Variants in NKD2 observed in about 807,000 individuals in gnomAD.
NKD2 encodes the protein NKD inhibitor of Wnt signaling pathway 2.
NKD2 carries 43 observed loss-of-function variants against 34.8 expected under a neutral mutation model. That is an observed-to-expected ratio of 1.24 (90% CI 0.97 to 1.60). The LOEUF (loss-of-function observed/expected upper bound fraction) is 1.60. NKD2 is among the 40% of genes most tolerant of loss of function. NKD2 has a pLI of 0.00. For synonymous variants in NKD2, 278 were observed against 265.1 expected, an observed-to-expected ratio of 1.05 and a Z score of -0.47; for missense variants, 675 against 627.1, an observed-to-expected ratio of 1.08 and a Z score of -0.82.
rs1373622702 is a variant in NKD2, at chr5:1,037,891, C to T, written c.874C>T (p.His292Tyr). The change falls in exon 10 of 10, where the codon CAT becomes TAT. Residue 292 changes from histidine (H) to tyrosine (Y), a missense_variant. Physicochemically the swap from His to Tyr is moderately conservative, Grantham distance 83. Coordinates refer to ENST00000296849, the MANE Select transcript of NKD2 (RefSeq NM_033120.4). ...GTCCCGCTCCCAGGAGCCAGATACA[C>T]ATGCCGTACACCACCGCAGGTCACA... ...ARSRSQEPDT[H>Y]AVHHRRSQVL... 11 of 1,605,974 alleles carry T rather than the reference C, an allele frequency of 6.8e-6. No homozygotes were observed. The highest frequency in any genetic ancestry group is 1.3e-5 in the African/African-American group (1 of 74,904).
intron 7 of NKD2, among the ~76,000 whole-genome samples, 154 bp downstream of exon 7, chr5:1,035,057 TGAGA>T (rs1733794369): frequency 6.6e-6 from 1 of 151,668 alleles, no homozygotes; most frequent in East Asian, 1.9e-4. Context: ...GGTGAGTGAG[TGAGA>T]GAGTAAGTGG....
chr5:1,018,205 C>G (rs114988825), intron 3 of NKD2, among the ~76,000 whole-genome samples: 2,269 of 152,240 alleles, frequency 0.015, 73 homozygotes, highest in African/African-American at 0.052. Flanking sequence ...GCACTGGTCT[C>G]TGTGCTGTGG....
At chr5:1,021,714 G>A (rs535461045) in intron 3 of NKD2, among the ~76,000 whole-genome samples, 60 of 151,992 alleles carry the variant, frequency 3.9e-4, no homozygotes, top group African/African-American at 1.4e-3. Flanking sequence ...TCCTATGGCG[G>A]CCGGCAGAAG....
At chr5:1,036,464 T>G (rs1733938879) in intron 9 of NKD2, 80 bp downstream of exon 9, 1 of 1,221,986 alleles carries the variant, frequency 8.2e-7, no homozygotes, top group South Asian at 1.4e-5. Flanking sequence ...CAGCCCTGAG[T>G]GCAGGGGGCC....
chr5:1,027,870 T>G (rs984282854), intron 3 of NKD2, among the ~76,000 whole-genome samples: 1 of 152,344 alleles, frequency 6.6e-6, no homozygotes, highest in East Asian at 1.9e-4. Context: ...CAGAGGTGCC[T>G]GCACCGGCAC....
At chr5:1,034,997 TGGA>T in intron 7 of NKD2, 94 bp downstream of exon 7, 1 of 1,216,842 alleles carries the variant, frequency 8.2e-7, no homozygotes, top group Non-Finnish European at 1.1e-6. Flanking sequence ...AGTGAGTGGA[TGGA>T]GGAGTGAGTG....
chr5:1,009,478 C>A lies in NKD2; in HGVS notation c.62-3C>A. The A allele has an allele frequency of 6.7e-7, 1 of 1,497,992 alleles. No homozygotes were observed. The highest frequency in any genetic ancestry group is 8.8e-7 in the Non-Finnish European group (1 of 1,131,470). 92.8% of individuals were successfully genotyped at this position (1,497,992 alleles called of 1,614,324 possible). A position where few individuals can be genotyped will look rare whatever the true frequency, so the allele number is the denominator to read the frequency against. ...TTCCCGCGCGTCCGCCCCCGGACCGCAGGGGACAGCTTCGTGGCGTCCGCG... is the reference window on the plus strand; with the variant it reads ...TTCCCGCGCGTCCGCCCCCGGACCGAAGGGGACAGCTTCGTGGCGTCCGCG... On this transcript the variant is annotated splice_polypyrimidine_tract_variant and splice_region_variant and intron_variant, in intron 2 of 9. Coordinates refer to ENST00000296849, the MANE Select transcript of NKD2 (RefSeq NM_033120.4). This position sits in a 1 kb window ranked among gnomAD's most constrained non-coding sequence, Gnocchi z 6.9.
intron 6 of NKD2, 150 bp from the exon 7 acceptor site, chr5:1,034,606 C>T (rs995309139): frequency 1.3e-5 from 12 of 889,960 alleles, no homozygotes; most frequent in African/African-American, 1.0e-4. Flanking sequence ...CAGGCTGCTC[C>T]GAGAAGATGC....
intron 5 of NKD2, 143 bp downstream of exon 5, chr5:1,033,642 A>G: frequency 9.3e-7 from 1 of 1,074,564 alleles, no homozygotes; most frequent in Non-Finnish European, 1.3e-6. Context: ...CGTTTAAGGC[A>G]TTGAAGCAGA....
chr5:1,030,065 G>C (rs1235311480), intron 3 of NKD2, among the ~76,000 whole-genome samples: 1 of 147,544 alleles, frequency 6.8e-6, no homozygotes, highest in Admixed American at 6.9e-5. Context: ...CAGGTCCCCT[G>C]CACCCTCCCC....
At chr5:1,020,427 C>A (rs1388879639) in intron 3 of NKD2, among the ~76,000 whole-genome samples, 2 of 152,136 alleles carry the variant, frequency 1.3e-5, no homozygotes, top group African/African-American at 4.8e-5. Flanking sequence ...TCTCCACCCC[C>A]ACCCCCTAGT....
In NKD2 at chr5:1,037,995, G is replaced by A. The variant is rs757349671; in HGVS notation, c.978G>A (p.Pro326=). The change falls in exon 10 of 10, where the codon CCG becomes CCA. Residue 326 remains proline, a synonymous_variant. Coordinates refer to ENST00000296849, the MANE Select transcript of NKD2 (RefSeq NM_033120.4). ...ACACGCAGCCCCGGCCGAAGGGGCC[G>A]GAGAAGCAGTTCCTCAAGTCCCCCA... ...ALDTQPRPKG[P]EKQFLKSPKG... 3.3e-5 allele frequency: 53 copies of A among 1,606,510 alleles called. No individual in the cohort carries two copies. Among genetic ancestry groups the A allele is most frequent in the East Asian group, 1.8e-4 (8 of 44,714 alleles).
At chr5:1,012,400 G>T (rs1755789872) in intron 3 of NKD2, among the ~76,000 whole-genome samples, 1 of 152,372 alleles carries the variant, frequency 6.6e-6, no homozygotes, top group South Asian at 2.1e-4. Flanking sequence ...CAGCAGGCAC[G>T]GCTCTGAGTG....
chr5:1,034,812 C>T lies in NKD2; in HGVS notation c.483C>T (p.His161=). 6.2e-7 allele frequency: 1 copy of T among 1,612,840 alleles called. No homozygotes were observed. The highest frequency in any genetic ancestry group is 1.3e-5 in the African/African-American group (1 of 75,058). ...AGGTCGTGGATGCCTCGGTCAACCA[C>T]TCCTCGGGCAGCAGCAAGACCCTCC... ...IYEVVDASVN[H]SSGSSKTLRV... Residue 161 remains histidine, a synonymous_variant, in exon 7 of 10, where the codon CAC becomes CAT. Coordinates refer to ENST00000296849, the MANE Select transcript of NKD2 (RefSeq NM_033120.4).
intron 3 of NKD2, among the ~76,000 whole-genome samples, chr5:1,019,728 C>T (rs1181925272): frequency 1.3e-5 from 2 of 152,214 alleles, no homozygotes; most frequent in African/African-American, 2.4e-5. Flanking sequence ...TGCATGTTCA[C>T]ATATGGTGTC....
intron 3 of NKD2, among the ~76,000 whole-genome samples, chr5:1,028,497 C>A (rs190930080): frequency 6.6e-6 from 1 of 152,082 alleles, no homozygotes; most frequent in African/African-American, 2.4e-5. Context: ...TGAGGCCCCA[C>A]GGGGCAGGCC....
At chr5:1,012,200 A>G (rs1208039725) in intron 3 of NKD2, among the ~76,000 whole-genome samples, 2 of 152,266 alleles carry the variant, frequency 1.3e-5, no homozygotes, top group African/African-American at 2.4e-5. Context: ...TCTGAAGACA[A>G]GAGTCACTGT....
intron 3 of NKD2, among the ~76,000 whole-genome samples, chr5:1,010,452 T>TA (rs992595823): frequency 6.6e-6 from 1 of 152,122 alleles, no homozygotes; most frequent in East Asian, 1.9e-4. Flanking sequence ...GGCAGTTGAT[T>TA]AAAAAAAGTT....
intron 3 of NKD2, among the ~76,000 whole-genome samples, chr5:1,031,869 C>T (rs1756657081): frequency 6.6e-6 from 1 of 152,148 alleles, no homozygotes; most frequent in South Asian, 2.1e-4. Context: ...CAAGGGGATC[C>T]CCAGGGCAGC....
Sources: allele counts gnomAD v4.1 joint callset (sites outside exome capture counted in the v4.1 genomes callset), GRCh38; gene constraint gnomAD v4.1.1; non-coding constraint Gnocchi (gnomAD v3.1); transcripts MANE v1.5; gene names NCBI Gene and HGNC (gene_info 2026-07-23, HGNC 2026-07-21).